PTPRM: variants seen among roughly 807,000 people sequenced by gnomAD.
PTPRM encodes protein tyrosine phosphatase receptor type M.
Under a neutral mutation model 186.7 loss-of-function variants are expected in PTPRM, and 47 were observed. The ratio of observed to expected loss-of-function variants is 0.25; its 90% CI spans 0.20 to 0.32. The LOEUF (loss-of-function observed/expected upper bound fraction) is 0.32. PTPRM is among the 10% of genes least tolerant of loss of function. The pLI is 1.00. For missense variants in PTPRM, 1,494 were observed against 1,865.0 expected (o/e 0.80, Z 3.66); for synonymous variants, 668 against 674.9 (o/e 0.99, Z 0.16).
At chr18:8,212,987 C>T (rs1337452849) in intron 14 of PTPRM, among the ~76,000 whole-genome samples, 1 of 152,008 alleles carries the variant, frequency 6.6e-6, no homozygotes, top group East Asian at 1.9e-4. Context: ...TCCAGAAGAC[C>T]AGCCTGAAAA....
intron 7 of PTPRM, among the ~76,000 whole-genome samples, chr18:8,044,110 G>T (rs1196029229): frequency 6.6e-6 from 1 of 152,128 alleles, no homozygotes; most frequent in Non-Finnish European, 1.5e-5. Context: ...ATGAAGCCTC[G>T]AGCTTTTAGA....
chr18:8,213,120 C>CTG (rs759605419), intron 14 of PTPRM, among the ~76,000 whole-genome samples: 1 of 152,214 alleles, frequency 6.6e-6, no homozygotes. Flanking sequence ...GTCCACTTGC[C>CTG]TGTGAGTCAT....
intron 10 of PTPRM, among the ~76,000 whole-genome samples, chr18:8,088,102 C>T (rs1490032087): frequency 6.6e-6 from 1 of 152,108 alleles, no homozygotes; most frequent in Non-Finnish European, 1.5e-5. Context: ...GGTAGTTCCC[C>T]CCATTTTGAG....
intron 14 of PTPRM, among the ~76,000 whole-genome samples, chr18:8,199,734 C>A (rs1323992979): frequency 6.6e-6 from 1 of 152,170 alleles, no homozygotes; most frequent in Non-Finnish European, 1.5e-5. Flanking sequence ...CCTACAAATT[C>A]TCCCTGGAGA....
chr18:7,918,192 A>G (rs921423158), intron 4 of PTPRM, among the ~76,000 whole-genome samples: 14 of 152,134 alleles, frequency 9.2e-5, no homozygotes, highest in African/African-American at 2.9e-4. Context: ...TAGTGCTGCA[A>G]TAAACATAGG....
intron 23 of PTPRM, among the ~76,000 whole-genome samples, chr18:8,344,430 ATGTGTG>A (rs143895566): frequency 9.9e-5 from 11 of 110,938 alleles, no homozygotes; most frequent in East Asian, 2.4e-4. Flanking sequence ...AGATATATAT[ATGTGTG>A]TGTGTGTGTG....
intron 2 of PTPRM, chr18:7,814,670 A>T (rs1049803197): frequency 5.9e-5 from 9 of 152,230 alleles, no homozygotes; most frequent in Admixed American, 2.0e-4. Flanking sequence ...TAAGCCAGAA[A>T]CTGGGGAGTG....
chr18:8,187,401 G>T (rs1387343500), intron 14 of PTPRM, among the ~76,000 whole-genome samples: 2 of 152,206 alleles, frequency 1.3e-5, no homozygotes, highest in African/African-American at 4.8e-5. Context: ...GCAGCCACTG[G>T]TAGAGCGGGC....
chr18:8,162,774 C>T (rs533064773), intron 14 of PTPRM, among the ~76,000 whole-genome samples: 16 of 152,340 alleles, frequency 1.1e-4, no homozygotes, highest in African/African-American at 3.6e-4. Flanking sequence ...CCACCCCATA[C>T]ACACATCTTT....
intron 5 of PTPRM, among the ~76,000 whole-genome samples, chr18:7,948,130 T>TACACACACACACACACAAACACAC (rs2052671658): frequency 7.3e-6 from 1 of 137,816 alleles, no homozygotes; most frequent in African/African-American, 2.8e-5. Flanking sequence ...GATTATAAAA[T>TACACACACACACACACAAACACAC]ACACACACAC....
At chr18:7,608,974 A>C (rs1454634483) in intron 1 of PTPRM, among the ~76,000 whole-genome samples, 1 of 152,146 alleles carries the variant, frequency 6.6e-6, no homozygotes, top group Non-Finnish European at 1.5e-5. Flanking sequence ...TGCACCCCAT[A>C]AGGTCGACTG....
Position 8,057,425 on chromosome 18 carries a change from CTTTTTTTTT to C in PTPRM, c.1133-12247_1133-12239del, listed in dbSNP as rs763829289. Among the ~76,000 whole-genome samples, 6 of 102,536 alleles carry C rather than the reference CTTTTTTTTT, an allele frequency of 5.9e-5. 1 individual carries two copies. The highest frequency in any genetic ancestry group is 6.6e-4 in the South Asian group (2 of 3,032). The allele number at this position is 102,536 out of a possible 152,430, so 67.3% of individuals were successfully genotyped here. On this transcript the variant is annotated intron_variant, in intron 7 of 32. Coordinates refer to ENST00000580170, the MANE Select transcript of PTPRM (RefSeq NM_001105244.2). ...CCATTGTTGTGATACTGTGATACTTCTTTTTTTTTTTTTTTTTTTTTTAGCTATTCTTTT... is the reference window on the plus strand; with the variant it reads ...CCATTGTTGTGATACTGTGATACTTCTTTTTTTTTTTTTAGCTATTCTTTT...
chr18:7,960,678 A>G (rs916200932), intron 7 of PTPRM, among the ~76,000 whole-genome samples: 1 of 151,958 alleles, frequency 6.6e-6, no homozygotes, highest in Non-Finnish European at 1.5e-5. Flanking sequence ...GGATAACTTG[A>G]GCCCAGGAGT....
intron 1 of PTPRM, among the ~76,000 whole-genome samples, chr18:7,592,242 C>T (rs189102846): frequency 4.6e-5 from 7 of 152,186 alleles, no homozygotes; most frequent in Admixed American, 1.3e-4. Flanking sequence ...AATAAAGACA[C>T]GAAATGGTTT....
At chr18:7,575,022 A>G (rs1424585533) in intron 1 of PTPRM, among the ~76,000 whole-genome samples, 3 of 152,150 alleles carry the variant, frequency 2.0e-5, no homozygotes, top group Admixed American at 2.0e-4. Context: ...ACAGAGCGAG[A>G]CTCCGTCTCA....
At chr18:8,007,746 G>A (rs2147832702) in intron 7 of PTPRM, among the ~76,000 whole-genome samples, 1 of 152,330 alleles carries the variant, frequency 6.6e-6, no homozygotes, top group African/African-American at 2.4e-5. Context: ...AGGTTAGAGA[G>A]TCAGTACTAA....
intron 23 of PTPRM, among the ~76,000 whole-genome samples, chr18:8,357,224 T>G (rs1036040225): frequency 6.6e-6 from 1 of 152,242 alleles, no homozygotes; most frequent in Non-Finnish European, 1.5e-5. Context: ...GAATGGAATG[T>G]TGCCATGTGA....
Position 7,888,292 on chromosome 18 carries a change from C to G in PTPRM, c.383C>G (p.Pro128Arg). 1 of 1,614,158 alleles carries G rather than the reference C, an allele frequency of 6.2e-7. No individual in the cohort carries two copies. Among genetic ancestry groups the G allele is most frequent in the Non-Finnish European group, 8.5e-7 (1 of 1,180,008 alleles). Residue 128 changes from proline to arginine, a missense_variant, in exon 3 of 33, where the codon CCT (proline) becomes CGT (arginine). Coordinates refer to ENST00000580170, the MANE Select transcript of PTPRM (RefSeq NM_001105244.2). ...GTCAATAACGGGCCACTGGGGAATC[C>G]TATCTGGAATATATCTGGAGACCCA... ...VKVNNGPLGN[P>R]IWNISGDPTR...
At chr18:7,590,804 C>G (rs79808519) in intron 1 of PTPRM, among the ~76,000 whole-genome samples, 4,482 of 152,248 alleles carry the variant, frequency 0.029, 71 homozygotes, top group Middle Eastern at 0.078. Flanking sequence ...GGAATACAAG[C>G]TAAAATATTA....
Sources: gnomAD v4.1 joint callset for allele counts (sites outside exome capture counted in the v4.1 genomes callset) on GRCh38, gnomAD v4.1.1 for gene constraint, MANE v1.5 for transcripts, NCBI Gene and HGNC (gene_info 2026-07-23, HGNC 2026-07-21) for gene names.